MLLT3: variants seen among roughly 807,000 people sequenced by gnomAD.
The protein encoded by MLLT3 is protein AF-9.
MLLT3 carries 4 observed loss-of-function variants against 53.2 expected under a neutral mutation model. The observed-to-expected ratio is 0.08, with a 90% confidence interval of 0.04 to 0.17. The LOEUF (loss-of-function observed/expected upper bound fraction) is 0.17. MLLT3 is among the 10% of genes least tolerant of loss of function. The probability of loss-of-function intolerance (pLI) is 1.00; values close to 1 mark genes in which losing one functional copy is unlikely to be tolerated. For synonymous variants in MLLT3, 283 were observed against 230.6 expected, an observed-to-expected ratio of 1.23 and a Z score of -2.06; for missense variants, 569 against 684.0, an observed-to-expected ratio of 0.83 and a Z score of 1.87.
At chr9:20,402,301 A>G (rs1285452752) in intron 5 of MLLT3, among the ~76,000 whole-genome samples, 3 of 152,140 alleles carry the variant, frequency 2.0e-5, no homozygotes, top group Admixed American at 1.3e-4. Context: ...GGGTTGAGGA[A>G]TAAGGGAGCT....
At chr9:20,483,723 T>TTC (rs1824729397) in intron 2 of MLLT3, among the ~76,000 whole-genome samples, 1 of 78,628 alleles carries the variant, frequency 1.3e-5, no homozygotes, top group Non-Finnish European at 2.4e-5. Flanking sequence ...TTTTTTTTTT[T>TTC]CCGAGATGGA....
intron 2 of MLLT3, among the ~76,000 whole-genome samples, chr9:20,565,761 C>A (rs972890555): frequency 6.6e-6 from 1 of 150,606 alleles, no homozygotes; most frequent in African/African-American, 2.4e-5. Context: ...AGCTGTGGTG[C>A]CCTGAGACCT....
chr9:20,601,824 T>C (rs1820429782), intron 2 of MLLT3, among the ~76,000 whole-genome samples: 1 of 152,186 alleles, frequency 6.6e-6, no homozygotes, highest in Non-Finnish European at 1.5e-5. Flanking sequence ...TGGGTATAAA[T>C]AGCACCAAAT....
At chr9:20,535,000 G>A (rs767943422) in intron 2 of MLLT3, among the ~76,000 whole-genome samples, 44 of 152,188 alleles carry the variant, frequency 2.9e-4, no homozygotes, top group Non-Finnish European at 1.0e-4. Context: ...AGAATGAGCA[G>A]ATCAAACTTC....
chr9:20,603,205 A>C (rs995053664), intron 2 of MLLT3, among the ~76,000 whole-genome samples: 7 of 152,048 alleles, frequency 4.6e-5, no homozygotes, highest in African/African-American at 1.7e-4. Context: ...ATATTTATCC[A>C]AAGACATATA....
intron 8 of MLLT3, among the ~76,000 whole-genome samples, chr9:20,356,678 G>GAC (rs1563934302): frequency 1.3e-5 from 2 of 152,192 alleles, no homozygotes; most frequent in Admixed American, 1.3e-4. Context: ...TACTCTGGGT[G>GAC]TTGAAGTGAC....
intron 2 of MLLT3, among the ~76,000 whole-genome samples, chr9:20,590,855 C>T (rs1820110246): frequency 6.6e-6 from 1 of 152,108 alleles, no homozygotes; most frequent in African/African-American, 2.4e-5. Flanking sequence ...CTGACCTCAG[C>T]CTCCTGAGTA....
At chr9:20,405,593 T>C (rs184413854) in intron 5 of MLLT3, among the ~76,000 whole-genome samples, 3 of 152,298 alleles carry the variant, frequency 2.0e-5, no homozygotes, top group Non-Finnish European at 4.4e-5. Context: ...ACCTATTGTA[T>C]AGATTAAGTA....
In MLLT3 at chr9:20,450,536, C is replaced by T. The variant is rs373560771; in HGVS notation, c.277-2270G>A. On this transcript the variant is annotated intron_variant, in intron 3 of 10. Transcript: ENST00000380338. ...TTTTTCCACAACTTTGAAGCATCTG[C>T]AGTTCCCCAATACTTCACATTAACT... Among the ~76,000 whole-genome samples, 13 of 152,302 alleles carry T rather than the reference C, an allele frequency of 8.5e-5. 1 individual carries two copies. Among genetic ancestry groups the T allele is most frequent in the Admixed American group, 5.9e-4 (9 of 15,286 alleles).
intron 5 of MLLT3, among the ~76,000 whole-genome samples, chr9:20,391,180 G>A (rs1163325635): frequency 1.3e-5 from 2 of 152,108 alleles, no homozygotes; most frequent in Non-Finnish European, 2.9e-5. Flanking sequence ...GGGGAATTGG[G>A]TAGAAAAAAA....
intron 2 of MLLT3, among the ~76,000 whole-genome samples, chr9:20,543,617 G>A (rs1818701562): frequency 2.0e-5 from 3 of 151,814 alleles, no homozygotes; most frequent in African/African-American, 7.3e-5. Context: ...ACTCCAACCT[G>A]GGCAGAAGAA....
intron 2 of MLLT3, among the ~76,000 whole-genome samples, chr9:20,600,274 G>A (rs1210903150): frequency 1.3e-5 from 2 of 152,168 alleles, no homozygotes; most frequent in African/African-American, 4.8e-5. Flanking sequence ...TTGTGTTTGT[G>A]TGTATGGAAA....
rs1406597318 is a variant in MLLT3 at position 20,344,503 on chromosome 9, T to A, written c.*1940A>T. On this transcript the variant is annotated 3_prime_UTR_variant, in exon 11 of 11. Coordinates refer to ENST00000380338, the MANE Select transcript of MLLT3 (RefSeq NM_004529.4). ...TTCATCAATCACCTAATGTCCAAAA[T>A]GACTCAAAGTTTCTCTGCACATCAA... is the stretch of plus-strand genomic sequence containing the variant. 4.6e-6 allele frequency: 1 copy of A among 219,200 alleles called. No homozygotes were observed. Among genetic ancestry groups the A allele is most frequent in the African/African-American group, 2.2e-5 (1 of 44,576 alleles). The allele number at this position is 219,200 out of a possible 1,614,324, so 13.6% of individuals were successfully genotyped here.
intron 2 of MLLT3, among the ~76,000 whole-genome samples, chr9:20,568,824 C>T (rs1819451799): frequency 6.6e-6 from 1 of 152,132 alleles, no homozygotes; most frequent in East Asian, 1.9e-4. Flanking sequence ...ATCCTCACTA[C>T]AGTCCTGAGA....
At chr9:20,465,132 G>C (rs1340005309) in intron 2 of MLLT3, among the ~76,000 whole-genome samples, 1 of 152,018 alleles carries the variant, frequency 6.6e-6, no homozygotes, top group Non-Finnish European at 1.5e-5. Flanking sequence ...AGCAGATTTT[G>C]AGTGCAATTT....
intron 2 of MLLT3, among the ~76,000 whole-genome samples, chr9:20,463,396 C>T (rs914552774): frequency 6.6e-6 from 1 of 152,004 alleles, no homozygotes; most frequent in Non-Finnish European, 1.5e-5. Context: ...TACATTTCAT[C>T]TTGAGGGAAT....
intron 3 of MLLT3, among the ~76,000 whole-genome samples, chr9:20,449,351 A>C (rs1355362632): frequency 6.6e-6 from 1 of 152,148 alleles, no homozygotes; most frequent in Non-Finnish European, 1.5e-5. Context: ...ACTAGGACAA[A>C]ATAGCATCCT....
chr9:20,603,905 T>C (rs1224142013), intron 2 of MLLT3, among the ~76,000 whole-genome samples: 2 of 152,104 alleles, frequency 1.3e-5, no homozygotes, highest in Non-Finnish European at 2.9e-5. Context: ...CTTGATTACA[T>C]GAAAATCTTA....
At chr9:20,586,153 C>T (rs1819954277) in intron 2 of MLLT3, among the ~76,000 whole-genome samples, 1 of 151,532 alleles carries the variant, frequency 6.6e-6, no homozygotes, top group Non-Finnish European at 1.5e-5. Context: ...TTCATCTCTA[C>T]AAAAAAAATG....
Sources: allele counts gnomAD v4.1 joint callset (sites outside exome capture counted in the v4.1 genomes callset), GRCh38; gene constraint gnomAD v4.1.1; transcripts MANE v1.5; gene names NCBI Gene and HGNC (gene_info 2026-07-23, HGNC 2026-07-21).